Variants in UQCC6 observed in about 807,000 individuals in gnomAD.
The protein encoded by UQCC6 is protein BRAWNIN.
chr12:103,951,676 A>G, the UQCC6 span: 3 of 1,093,238 alleles, frequency 2.7e-6, no homozygotes, highest in Non-Finnish European at 2.7e-6. Context: ...AACCCTTAAT[A>G]AGGCTGTAAT....
At chr12:103,953,451 T>C in the UQCC6 span, 1 of 702,188 alleles carries the variant, frequency 1.4e-6, no homozygotes, top group African/African-American at 1.7e-5. Flanking sequence ...TGAGCACAAG[T>C]CTAGGCAGTC....
chr12:103,959,706 C>T, the UQCC6 span, among the ~76,000 whole-genome samples: 2 of 150,822 alleles, frequency 1.3e-5, no homozygotes, highest in South Asian at 2.1e-4. Flanking sequence ...AGCAAGAGTC[C>T]GTCTCAAAAA....
the UQCC6 span, among the ~76,000 whole-genome samples, chr12:103,965,069 CCAACAAATA>C: frequency 6.6e-6 from 1 of 152,102 alleles, no homozygotes; most frequent in Admixed American, 6.5e-5. Context: ...CTCAGGAAAG[CCAACAAATA>C]CAGCAGCCAT....
At chr12:103,960,707 T>A in the UQCC6 span, among the ~76,000 whole-genome samples, 3 of 152,132 alleles carry the variant, frequency 2.0e-5, no homozygotes, top group African/African-American at 7.2e-5. Flanking sequence ...ATGGACCACA[T>A]ACACGACAGG....
the UQCC6 span, among the ~76,000 whole-genome samples, chr12:103,956,020 G>A: frequency 6.6e-6 from 1 of 152,162 alleles, no homozygotes; most frequent in Non-Finnish European, 1.5e-5. Context: ...ACATAGTCTG[G>A]AGCTTACATT....
the UQCC6 span, among the ~76,000 whole-genome samples, chr12:103,958,861 T>C: frequency 7.5e-4 from 114 of 152,082 alleles, no homozygotes; most frequent in Admixed American, 3.7e-3. Flanking sequence ...TTTTTCTTGT[T>C]CTATACAATC....
At chr12:103,953,487 G>GC in the UQCC6 span, 1 of 702,340 alleles carries the variant, frequency 1.4e-6, no homozygotes, top group Non-Finnish European at 2.6e-6. Context: ...GCTCGACTCT[G>GC]CCCAGACCTT....
the UQCC6 span, among the ~76,000 whole-genome samples, chr12:103,961,584 T>C: frequency 6.6e-6 from 1 of 151,824 alleles, no homozygotes; most frequent in Admixed American, 6.6e-5. Context: ...TGAGACAGAG[T>C]CTCGCTCTGT....
the UQCC6 span, among the ~76,000 whole-genome samples, chr12:103,959,726 A>G: frequency 1.3e-5 from 2 of 151,944 alleles, no homozygotes; most frequent in East Asian, 3.9e-4. Context: ...AATAATAATA[A>G]TAATTAACTT....
the UQCC6 span, among the ~76,000 whole-genome samples, chr12:103,958,774 T>G: frequency 2.0e-5 from 3 of 152,226 alleles, no homozygotes; most frequent in Non-Finnish European, 4.4e-5. Flanking sequence ...AAAAACACTG[T>G]AAGCCTTGAG....
chr12:103,956,691 G>T, the UQCC6 span: 5 of 1,551,748 alleles, frequency 3.2e-6, no homozygotes, highest in Non-Finnish European at 4.4e-6. Context: ...CCAGGAGACT[G>T]GCTGCGAACA....
At chr12:103,957,041 C>A in the UQCC6 span, 2 of 397,988 alleles carry the variant, frequency 5.0e-6, no homozygotes, top group African/African-American at 4.1e-5. Flanking sequence ...AAAACCGATA[C>A]CAGGTCGTTT....
chr12:103,953,729 C>T, the UQCC6 span: 1 of 607,690 alleles, frequency 1.6e-6, no homozygotes, highest in Middle Eastern at 4.4e-4. Context: ...GAGTTTAGAC[C>T]CTTCAATATG....
At chr12:103,953,292 G>A in the UQCC6 span, 2 of 697,396 alleles carry the variant, frequency 2.9e-6, no homozygotes, top group Non-Finnish European at 5.2e-6. Context: ...TAATCCAATG[G>A]GATCTGCTCA....
At chr12:103,956,713 G>A in the UQCC6 span, 2 of 1,551,704 alleles carry the variant, frequency 1.3e-6, no homozygotes, top group Non-Finnish European at 1.7e-6. Flanking sequence ...TTTCAGGTAG[G>A]TGGACATGGG....
At chr12:103,952,460 T>G in the UQCC6 span, among the ~76,000 whole-genome samples, 1 of 152,224 alleles carries the variant, frequency 6.6e-6, no homozygotes, top group Admixed American at 6.5e-5. Context: ...CTTTTGGATA[T>G]TATGAATAAT....
chr12:103,955,567 G>C, the UQCC6 span: 5 of 322,714 alleles, frequency 1.5e-5, no homozygotes, highest in Non-Finnish European at 3.1e-5. Flanking sequence ...CCAGAAATGT[G>C]AGGCTGCGGT....
chr12:103,954,575 G>A, the UQCC6 span: 5 of 221,044 alleles, frequency 2.3e-5, no homozygotes, highest in Admixed American at 2.4e-4. Flanking sequence ...TGAGGGATTC[G>A]TCCCCATGAC....
At chr12:103,960,055 A>G in the UQCC6 span, among the ~76,000 whole-genome samples, 1 of 151,980 alleles carries the variant, frequency 6.6e-6, no homozygotes, top group African/African-American at 2.4e-5. Context: ...GATTATAGGC[A>G]TGAGTCACCA....
Sources: gnomAD v4.1 joint callset for allele counts (sites outside exome capture counted in the v4.1 genomes callset) on GRCh38, gnomAD v4.1.1 for gene constraint, MANE v1.5 for transcripts, NCBI Gene and HGNC (gene_info 2026-07-23, HGNC 2026-07-21) for gene names.